The following DIAPH3 variants were observed in gnomAD, a reference collection of about 807,000 sequenced individuals.
The protein encoded by DIAPH3 is protein diaphanous homolog 3.
In DIAPH3, 117 loss-of-function variants were observed where a neutral mutation model predicts 144.3. The ratio of observed to expected loss-of-function variants is 0.81; its 90% confidence interval spans 0.70 to 0.95. The LOEUF is 0.95. Ranked by LOEUF, DIAPH3 falls within the 40% of genes least tolerant of loss-of-function variation. The pLI is 0.00. For synonymous variants in DIAPH3, 519 were observed against 488.9 expected, an observed-to-expected ratio of 1.06 and a Z score of -0.81; for missense variants, 1,421 against 1,412.7, an observed-to-expected ratio of 1.01 and a Z score of -0.09.
intron 7 of DIAPH3, chr13:60,012,833 C>T (rs2053367530): frequency 5.0e-6 from 1 of 199,624 alleles, no homozygotes; most frequent in East Asian, 1.9e-4. Flanking sequence ...TAACCATCAT[C>T]CTGTGACCCC....
chr13:59,800,577 G>T (rs574679393), intron 25 of DIAPH3, among the ~76,000 whole-genome samples: 1 of 152,046 alleles, frequency 6.6e-6, no homozygotes. Flanking sequence ...GCTCAATCTC[G>T]GCAGATATCA....
In DIAPH3 at chr13:59,970,924, G is replaced by T. The variant is rs372626054; in HGVS notation, c.1887C>A (p.Ile629=). The T allele has an allele frequency of 8.1e-5, 131 of 1,613,732 alleles. No individual in the cohort carries two copies. The highest frequency in any genetic ancestry group is 1.1e-4 in the Non-Finnish European group (125 of 1,179,974). Residue 629 remains isoleucine, a synonymous_variant, in exon 16 of 28, where the codon ATC becomes ATA. Coordinates refer to ENST00000400324, the MANE Select transcript of DIAPH3 (RefSeq NM_001042517.2). The stretch of plus-strand genomic sequence containing the variant: ...TCTTTGGTTTCAACCCAAATGGCAG[G>T]ATTGGTAGAGGAGGAGAATTTTGTC... ...LGGQNSPPLP[I]LPFGLKPKKE... is the part of the protein sequence containing the mutation.
intron 27 of DIAPH3, among the ~76,000 whole-genome samples, chr13:59,738,662 A>G (rs537006105): frequency 1.0e-3 from 153 of 152,204 alleles, no homozygotes; most frequent in African/African-American, 3.5e-3. Context: ...AATCCCACTA[A>G]TCCATGAAGG....
intron 17 of DIAPH3, among the ~76,000 whole-genome samples, chr13:59,967,107 C>T (rs2050093174): frequency 6.6e-6 from 1 of 151,972 alleles, no homozygotes; most frequent in African/African-American, 2.4e-5. Flanking sequence ...TACTCTGTTG[C>T]CCAGACTGGA....
At chr13:59,742,374 T>C (rs1248118276) in intron 27 of DIAPH3, among the ~76,000 whole-genome samples, 2 of 152,076 alleles carry the variant, frequency 1.3e-5, no homozygotes, top group African/African-American at 4.8e-5. Flanking sequence ...GAAAAGTGGA[T>C]AGTCAAGCAG....
intron 24 of DIAPH3, among the ~76,000 whole-genome samples, chr13:59,827,742 A>C (rs2041526824): frequency 6.6e-6 from 1 of 152,048 alleles, no homozygotes; most frequent in African/African-American, 2.4e-5. Context: ...AAAAGCAATT[A>C]GATCAAAATC....
At chr13:59,842,571 G>T (rs2042408875) in intron 22 of DIAPH3, among the ~76,000 whole-genome samples, 2 of 152,072 alleles carry the variant, frequency 1.3e-5, no homozygotes, top group Non-Finnish European at 2.9e-5. Context: ...CCCAGATTTA[G>T]TGTCAGGCTG....
chr13:59,673,529 A>C (rs1411427466), intron 27 of DIAPH3, among the ~76,000 whole-genome samples: 3 of 152,076 alleles, frequency 2.0e-5, no homozygotes, highest in African/African-American at 7.2e-5. Flanking sequence ...CCCTAAACTG[A>C]TAGTTTTTGC....
At chr13:59,939,835 CGTGTGTG>C (rs1432651865) in intron 17 of DIAPH3, among the ~76,000 whole-genome samples, 1 of 146,652 alleles carries the variant, frequency 6.8e-6, no homozygotes, top group East Asian at 2.1e-4. Context: ...GAGAATGAGG[CGTGTGTG>C]TGTGTGTGTG....
At chr13:60,155,490 A>G (rs951664627) in intron 1 of DIAPH3, among the ~76,000 whole-genome samples, 1 of 152,210 alleles carries the variant, frequency 6.6e-6, no homozygotes, top group African/African-American at 2.4e-5. Flanking sequence ...TGTTTTATTA[A>G]GAAGGATAGA....
chr13:59,966,353 G>A (rs2050051403), intron 17 of DIAPH3, among the ~76,000 whole-genome samples: 1 of 152,120 alleles, frequency 6.6e-6, no homozygotes, highest in South Asian at 2.1e-4. Flanking sequence ...TTGGTAATAT[G>A]TAAATGTAGG....
intron 3 of DIAPH3, 129 bp downstream of exon 3, chr13:60,111,881 G>C: frequency 2.3e-6 from 2 of 855,934 alleles, no homozygotes; most frequent in East Asian, 5.3e-5. Flanking sequence ...TGTGGCTGAA[G>C]TGCTATCTTA....
chr13:59,772,260 G>C (rs1020479706), intron 27 of DIAPH3, among the ~76,000 whole-genome samples: 1 of 152,000 alleles, frequency 6.6e-6, no homozygotes, highest in Admixed American at 6.6e-5. Context: ...TGAACATCTA[G>C]TCCAATAAAT....
chr13:59,855,583 TG>T (rs2043210736), intron 22 of DIAPH3, among the ~76,000 whole-genome samples: 1 of 151,958 alleles, frequency 6.6e-6, no homozygotes, highest in Admixed American at 6.6e-5. Context: ...ACTAGATGAC[TG>T]CAGATAGTCA....
At chr13:60,015,871 C>T (rs2053607483) in intron 7 of DIAPH3, 42 bp downstream of exon 7, 1 of 1,540,752 alleles carries the variant, frequency 6.5e-7, no homozygotes, top group African/African-American at 1.4e-5. Flanking sequence ...TCATATATTA[C>T]AAAATTGGTG....
intron 1 of DIAPH3, among the ~76,000 whole-genome samples, chr13:60,162,834 C>CAA (rs1292523139): frequency 6.6e-6 from 1 of 151,744 alleles, no homozygotes; most frequent in African/African-American, 2.4e-5. Context: ...CACACACACA[C>CAA]ACACACACAC....
At chr13:60,057,042 C>T (rs927142988) in intron 4 of DIAPH3, among the ~76,000 whole-genome samples, 4 of 151,784 alleles carry the variant, frequency 2.6e-5, no homozygotes, top group South Asian at 4.1e-4. Flanking sequence ...CAACACCGTA[C>T]TGGAAGTCCT....
intron 27 of DIAPH3, among the ~76,000 whole-genome samples, chr13:59,771,667 A>C (rs942313377): frequency 1.3e-5 from 2 of 152,186 alleles, no homozygotes; most frequent in African/African-American, 4.8e-5. Flanking sequence ...TGGCAAAGAA[A>C]GTAACAACTT....
intron 17 of DIAPH3, among the ~76,000 whole-genome samples, chr13:59,944,991 C>G (rs2048732467): frequency 6.6e-6 from 1 of 152,130 alleles, no homozygotes; most frequent in Non-Finnish European, 1.5e-5. Context: ...ATGCCCTAAG[C>G]TAGGGGTATT....
Sources: allele counts gnomAD v4.1 joint callset (sites outside exome capture counted in the v4.1 genomes callset), GRCh38; gene constraint gnomAD v4.1.1; transcripts MANE v1.5; gene names NCBI Gene and HGNC (gene_info 2026-07-23, HGNC 2026-07-21).